NEDD4L: variants seen among roughly 807,000 people sequenced by gnomAD.
NEDD4L encodes the protein E3 ubiquitin-protein ligase NEDD4-like.
Under a neutral mutation model 148.9 loss-of-function variants are expected in NEDD4L, and 54 were observed. The observed-to-expected ratio is 0.36, with a 90% CI of 0.29 to 0.45. The LOEUF (loss-of-function observed/expected upper bound fraction) is 0.45. NEDD4L is among the 20% of genes least tolerant of loss of function. The pLI, the probability that NEDD4L is intolerant of heterozygous loss-of-function variation, is 1.00. For synonymous variants in NEDD4L, 433 were observed against 440.7 expected (o/e 0.98, Z 0.22); for missense variants, 856 against 1,233.8 (o/e 0.69, Z 4.59).
chr18:58,234,215 C>T (rs1420407141), intron 2 of NEDD4L, among the ~76,000 whole-genome samples: 1 of 134,592 alleles, frequency 7.4e-6, no homozygotes, highest in Non-Finnish European at 1.6e-5. Flanking sequence ...CTCCCTCCCT[C>T]CCTTCCTTCC....
intron 1 of NEDD4L, among the ~76,000 whole-genome samples, chr18:58,160,652 A>T (rs1360805101): frequency 6.6e-6 from 1 of 152,246 alleles, no homozygotes; most frequent in Non-Finnish European, 1.5e-5. Flanking sequence ...TGCTTCAGAA[A>T]GTACAGTGGC....
At chr18:58,062,286 G>A (rs1487680083) in intron 1 of NEDD4L, among the ~76,000 whole-genome samples, 1 of 152,132 alleles carries the variant, frequency 6.6e-6, no homozygotes. Context: ...TACTTCACCT[G>A]TGGAGTCTGT....
rs751156807 is a variant in NEDD4L at position 58,333,798 on chromosome 18, G to T, written c.991-20G>T. On this transcript the variant is annotated intron_variant, in intron 11 of 30. Transcript: ENST00000400345. ...AAGAATATATTTCTTGATGCTTCCT[G>T]TCTTTTCCTCTCCTTCCAGCAAAGA... 1.2e-5 allele frequency: 19 copies of T among 1,598,710 alleles called. No homozygotes were observed. Among genetic ancestry groups the T allele is most frequent in the Non-Finnish European group, 1.6e-5 (19 of 1,166,292 alleles).
At chr18:58,193,525 C>G (rs1346498823) in intron 2 of NEDD4L, among the ~76,000 whole-genome samples, 1 of 152,156 alleles carries the variant, frequency 6.6e-6, no homozygotes, top group African/African-American at 2.4e-5. Flanking sequence ...TTACTGGTAT[C>G]GTTTTAGAGA....
At chr18:58,071,216 A>T (rs1344976644) in intron 1 of NEDD4L, among the ~76,000 whole-genome samples, 2 of 152,214 alleles carry the variant, frequency 1.3e-5, no homozygotes, top group African/African-American at 4.8e-5. Flanking sequence ...GGTTGAAGCC[A>T]GGAGGATTGC....
At chr18:58,263,268 G>A (rs1428756806) in intron 5 of NEDD4L, among the ~76,000 whole-genome samples, 1 of 152,168 alleles carries the variant, frequency 6.6e-6, no homozygotes, top group Non-Finnish European at 1.5e-5. Flanking sequence ...CCTCCAGGTA[G>A]CAAGAGACTG....
At chr18:58,353,019 G>C (rs1280380175) in intron 18 of NEDD4L, among the ~76,000 whole-genome samples, 1 of 152,200 alleles carries the variant, frequency 6.6e-6, no homozygotes, top group Non-Finnish European at 1.5e-5. Context: ...CTTGATACTT[G>C]GTGACTTGAA....
Position 58,380,642 on chromosome 18 carries a change from T to A in NEDD4L, c.2353-2604T>A, listed in dbSNP as rs58623818. 9.0e-3 allele frequency among the ~76,000 whole-genome samples: 1,372 copies of A among 152,248 alleles called. 30 individuals are homozygous for A. The highest frequency in any genetic ancestry group is 0.031 in the African/African-American group (1,300 of 41,518). On this transcript the variant is annotated intron_variant, in intron 24 of 30. Coordinates refer to ENST00000400345, the MANE Select transcript of NEDD4L (RefSeq NM_001144967.3). Reference sequence around the variant, plus strand: ...AGAATGTGCAGGTTTGTTACATAGGTATACACATGCCATCGTGGTTTGCTG... The same window carrying A: ...AGAATGTGCAGGTTTGTTACATAGGAATACACATGCCATCGTGGTTTGCTG...
intron 2 of NEDD4L, among the ~76,000 whole-genome samples, chr18:58,179,956 CAAAACCAGTCCCTGGTGCCA>C (rs555248667): frequency 6.6e-6 from 1 of 152,306 alleles, no homozygotes; most frequent in African/African-American, 2.4e-5. Flanking sequence ...TTGTCTTCCA[CAAAACCAGTCCCTGGTGCCA>C]AAAAAGTTGG....
At chr18:58,265,491 A>G (rs1235262618) in intron 5 of NEDD4L, among the ~76,000 whole-genome samples, 1 of 152,056 alleles carries the variant, frequency 6.6e-6, no homozygotes, top group African/African-American at 2.4e-5. Context: ...CAGGAATGCA[A>G]TGGATTATTG....
intron 5 of NEDD4L, among the ~76,000 whole-genome samples, chr18:58,300,957 G>A (rs1244401741): frequency 6.6e-6 from 1 of 152,184 alleles, no homozygotes; most frequent in Non-Finnish European, 1.5e-5. Flanking sequence ...TTACAGCAGG[G>A]TGTATCTCAT....
Position 58,391,511 on chromosome 18 carries a change from C to G in NEDD4L, c.2777C>G (p.Thr926Arg). 1 of 1,582,992 alleles carries G rather than the reference C, an allele frequency of 6.3e-7. No individual in the cohort carries two copies. ...LYGSNGPQLFTIEQWGSPEKL... is the reference protein window; with the variant it reads ...LYGSNGPQLFRIEQWGSPEKL... ...GGTTCCAATGGTCCTCAGCTGTTTA[C>G]AATAGAGCAATGGGGCAGTCCTGAG... The change falls in exon 30 of 31, where the codon ACA (threonine) becomes AGA (arginine). Residue 926 changes from threonine to arginine, a missense_variant. Thr to Arg is a moderately conservative substitution (Grantham distance 71, BLOSUM62 -1). This residue lies in a region of NEDD4L where 286 missense variants were observed against 531.8 expected (regional missense o/e 0.54). Coordinates refer to ENST00000400345, the MANE Select transcript of NEDD4L (RefSeq NM_001144967.3).
At chr18:58,364,811 A>T (rs555866508) in intron 20 of NEDD4L, among the ~76,000 whole-genome samples, 1 of 152,312 alleles carries the variant, frequency 6.6e-6, no homozygotes, top group South Asian at 2.1e-4. Flanking sequence ...TCCAAATGTA[A>T]TTTTCTACTT....
intron 1 of NEDD4L, chr18:58,091,612 G>T (rs1007257395): frequency 1.3e-5 from 2 of 152,194 alleles, no homozygotes; most frequent in African/African-American, 4.8e-5. Flanking sequence ...CATTTTCACT[G>T]CAGCCTAGAG....
At chr18:58,302,471 A>C (rs2056607894) in intron 5 of NEDD4L, among the ~76,000 whole-genome samples, 1 of 152,174 alleles carries the variant, frequency 6.6e-6, no homozygotes, top group Non-Finnish European at 1.5e-5. Flanking sequence ...AATTGCACAC[A>C]CTGAACTCTG....
chr18:58,195,872 T>G (rs1843324827), intron 2 of NEDD4L: 3 of 446,052 alleles, frequency 6.7e-6, no homozygotes, highest in South Asian at 2.0e-5. Flanking sequence ...TTGCTTGCTT[T>G]CTTTTTAAAA....
chr18:58,306,684 G>C (rs1209400486), intron 5 of NEDD4L, among the ~76,000 whole-genome samples: 2 of 151,646 alleles, frequency 1.3e-5, no homozygotes, highest in African/African-American at 4.8e-5. Flanking sequence ...GGAGTGCAAT[G>C]GTGCAATCTC....
intron 1 of NEDD4L, among the ~76,000 whole-genome samples, chr18:58,149,920 A>G (rs941884405): frequency 6.6e-6 from 1 of 152,184 alleles, no homozygotes; most frequent in African/African-American, 2.4e-5. Context: ...CTCTTACACT[A>G]TATAGTGAGA....
chr18:58,078,712 C>G (rs1018468080), intron 1 of NEDD4L, among the ~76,000 whole-genome samples: 6 of 152,114 alleles, frequency 3.9e-5, no homozygotes, highest in African/African-American at 1.2e-4. Context: ...CAGTTCTTTT[C>G]TTGAGGTGAA....
Sources: allele counts gnomAD v4.1 joint callset (sites outside exome capture counted in the v4.1 genomes callset), GRCh38; gene constraint gnomAD v4.1.1; regional missense constraint gnomAD v4.1.1; transcripts MANE v1.5; gene names NCBI Gene and HGNC (gene_info 2026-07-23, HGNC 2026-07-21).